The following PRICKLE2 variants were observed in gnomAD, a reference collection of about 807,000 sequenced individuals.
PRICKLE2 encodes prickle planar cell polarity protein 2, also known as prickle-like protein 2.
Under a neutral mutation model 81.4 loss-of-function variants are expected in PRICKLE2, and 21 were observed. That is an observed-to-expected ratio of 0.26 (90% CI 0.18 to 0.37). The LOEUF is 0.37. Ranked by LOEUF, PRICKLE2 falls within the 10% of genes least tolerant of loss-of-function variation. The pLI, the probability that PRICKLE2 is intolerant of heterozygous loss-of-function variation, is 1.00. For missense variants in PRICKLE2, 940 were observed against 1,109.0 expected (o/e 0.85, Z 2.16); for synonymous variants, 456 against 421.5 (o/e 1.08, Z -1.00).
At chr3:64,167,708 T>G (rs115534937) in intron 2 of PRICKLE2, among the ~76,000 whole-genome samples, 1,572 of 152,240 alleles carry the variant, frequency 0.01, 28 homozygotes, top group African/African-American at 0.036. Context: ...GAAAAGTGTA[T>G]GAAAAGTAAG....
intron 1 of PRICKLE2, among the ~76,000 whole-genome samples, chr3:64,201,892 T>G (rs964586614): frequency 3.9e-5 from 6 of 152,180 alleles, no homozygotes; most frequent in Non-Finnish European, 5.9e-5. Flanking sequence ...AGGTCTATGG[T>G]CCATTTTGAG....
At chr3:64,106,024 C>A (rs2076749692) in intron 7 of PRICKLE2, 1 of 152,204 alleles carries the variant, frequency 6.6e-6, no homozygotes. Flanking sequence ...ATCAGCAGCT[C>A]CAAGAGGGCA....
At chr3:64,172,368 A>T (rs1403599903) in intron 2 of PRICKLE2, among the ~76,000 whole-genome samples, 2 of 152,248 alleles carry the variant, frequency 1.3e-5, no homozygotes. Flanking sequence ...GATAAAATAC[A>T]CACATACATA....
intron 7 of PRICKLE2, among the ~76,000 whole-genome samples, chr3:64,106,426 G>C (rs1559510959): frequency 6.6e-6 from 1 of 152,202 alleles, no homozygotes; most frequent in South Asian, 2.1e-4. Context: ...GTGACAGACT[G>C]TATGACCTGC....
At chr3:64,220,088 T>C (rs1265520608) in intron 1 of PRICKLE2, among the ~76,000 whole-genome samples, 1 of 152,220 alleles carries the variant, frequency 6.6e-6, no homozygotes, top group African/African-American at 2.4e-5. Flanking sequence ...TTGCCTTCTA[T>C]ATTAACAGTT....
intron 7 of PRICKLE2, among the ~76,000 whole-genome samples, chr3:64,130,367 T>C (rs975183719): frequency 6.6e-6 from 1 of 152,184 alleles, no homozygotes; most frequent in Non-Finnish European, 1.5e-5. Flanking sequence ...AGAGTTTAGA[T>C]AACTTGCCCG....
At chr3:64,226,772 C>T (rs531054090), upstream of PRICKLE2, among the ~76,000 whole-genome samples, 3 of 152,302 alleles carry the variant, frequency 2.0e-5, no homozygotes, top group South Asian at 6.2e-4. Flanking sequence ...TTCAATGCTG[C>T]CTGTGCAGTA....
At chr3:64,171,361 G>C (rs2077928124) in intron 2 of PRICKLE2, among the ~76,000 whole-genome samples, 1 of 152,194 alleles carries the variant, frequency 6.6e-6, no homozygotes, top group Admixed American at 6.5e-5. Flanking sequence ...GGCACATATA[G>C]TGGGTAGAGG....
rs947152882 is a variant in PRICKLE2, at chr3:64,098,932, A to T, written c.*119T>A. ...AACCTTGCCTCCATCTACTGACAGC[A>T]TTTTCCCTTTTCTCCCCCATAAGCC... On this transcript the variant is annotated 3_prime_UTR_variant, in exon 8 of 8. Transcript: ENST00000638394. The T allele has an allele frequency of 5.2e-6, 6 of 1,146,150 alleles. No homozygotes were observed. In the African/African-American group the frequency reaches 9.2e-5, roughly 17 times the overall value. The allele number at this position is 1,146,150 out of a possible 1,614,324, so 71.0% of individuals were successfully genotyped here. A position where few individuals can be genotyped will look rare whatever the true frequency, so the allele number is the denominator to read the frequency against.
chr3:64,211,858 A>G (rs1335703405), intron 1 of PRICKLE2, among the ~76,000 whole-genome samples: 2 of 152,192 alleles, frequency 1.3e-5, no homozygotes, highest in African/African-American at 2.4e-5. Flanking sequence ...GTTTCTAGGA[A>G]AAAAGATAAT....
chr3:64,165,137 G>A (rs1244365433), intron 2 of PRICKLE2, among the ~76,000 whole-genome samples: 1 of 152,172 alleles, frequency 6.6e-6, no homozygotes, highest in African/African-American at 2.4e-5. Flanking sequence ...TCTAGTTGCG[G>A]TTCCATCGAC....
chr3:64,189,222 C>A (rs887329099), intron 2 of PRICKLE2, among the ~76,000 whole-genome samples: 1 of 152,150 alleles, frequency 6.6e-6, no homozygotes, highest in South Asian at 2.1e-4. Context: ...TAAGGATAAA[C>A]AGAGATTGTC....
chr3:64,248,719 T>C (rs893998300), intron 2 of PRICKLE2, among the ~76,000 whole-genome samples: 3 of 150,762 alleles, frequency 2.0e-5, no homozygotes, highest in African/African-American at 7.3e-5. Context: ...CTGCAAAATG[T>C]GGCAAATCTT....
intron 1 of PRICKLE2, among the ~76,000 whole-genome samples, chr3:64,203,933 G>A (rs866510463): frequency 5.3e-5 from 8 of 152,050 alleles, no homozygotes; most frequent in Non-Finnish European, 8.8e-5. Context: ...AGCCCAGATC[G>A]CATCACTACA....
At position 64,225,397 on chromosome 3, in the gene PRICKLE2, T is replaced by A; in HGVS notation, c.-528A>T. 1.0e-6 allele frequency: 1 copy of A among 985,326 alleles called. No homozygotes were observed. The highest frequency in any genetic ancestry group is 1.2e-6 in the Non-Finnish European group (1 of 829,968). The allele number at this position is 985,326 out of a possible 1,614,324, so 61.0% of individuals were successfully genotyped here. A position where few individuals can be genotyped will look rare whatever the true frequency, so the allele number is the denominator to read the frequency against. ...CAAGCCACTGAACCAGGAAATGTGC[T>A]GCTTGGTCAAAAAATAATAATAACT... is the stretch of plus-strand genomic sequence containing the variant. On this transcript the variant is annotated 5_prime_UTR_variant, in exon 1 of 8. Coordinates refer to ENST00000638394, the MANE Select transcript of PRICKLE2 (RefSeq NM_198859.4).
At chr3:64,230,990 C>G (rs959733930) in intron 2 of PRICKLE2, among the ~76,000 whole-genome samples, 11 of 152,124 alleles carry the variant, frequency 7.2e-5, no homozygotes, top group African/African-American at 2.4e-4. Context: ...TGTGAAGATT[C>G]CATATCATAA....
At chr3:64,141,701 G>T (rs1460760623) in intron 7 of PRICKLE2, 2 of 597,674 alleles carry the variant, frequency 3.3e-6, no homozygotes, top group Non-Finnish European at 4.2e-6. Flanking sequence ...ATTGGGAGAG[G>T]CCAAAGCCCA....
chr3:64,134,854 T>C (rs761238954), intron 7 of PRICKLE2, among the ~76,000 whole-genome samples: 3 of 152,218 alleles, frequency 2.0e-5, no homozygotes, highest in Non-Finnish European at 4.4e-5. Flanking sequence ...TCCTCTCTCA[T>C]TTCCAGCTAT....
chr3:64,175,382 G>T (rs2078005780), intron 2 of PRICKLE2, among the ~76,000 whole-genome samples: 1 of 152,146 alleles, frequency 6.6e-6, no homozygotes, highest in South Asian at 2.1e-4. Context: ...TGGCTAGCTA[G>T]TTAGTTTCTA....
Sources: allele counts gnomAD v4.1 joint callset (sites outside exome capture counted in the v4.1 genomes callset), GRCh38; gene constraint gnomAD v4.1.1; transcripts MANE v1.5; gene names NCBI Gene and HGNC (gene_info 2026-07-23, HGNC 2026-07-21).